PCDH15: variants seen among roughly 807,000 people sequenced by gnomAD.
PCDH15 encodes the protein protocadherin-15.
Under a neutral mutation model 178.5 loss-of-function variants are expected in PCDH15, and 129 were observed. That is an observed-to-expected ratio of 0.72 (90% CI 0.63 to 0.84). The LOEUF (loss-of-function observed/expected upper bound fraction) is 0.84, where lower values mean the gene tolerates loss of function less well. Ranked by LOEUF, PCDH15 falls within the 40% of genes least tolerant of loss-of-function variation. The probability of loss-of-function intolerance (pLI) is 0.00; values close to 1 mark genes in which losing one functional copy is unlikely to be tolerated. For synonymous variants in PCDH15, 800 were observed against 732.0 expected (o/e 1.09, Z -1.50); for missense variants, 2,230 against 2,099.9 (o/e 1.06, Z -1.21).
intron 2 of PCDH15, among the ~76,000 whole-genome samples, chr10:54,969,971 T>C (rs544351533): frequency 1.3e-5 from 2 of 152,332 alleles, no homozygotes; most frequent in African/African-American, 4.8e-5. Flanking sequence ...CTTCCTATGG[T>C]TTGAATACTT....
chr10:54,970,028 T>C (rs933911583), intron 2 of PCDH15, among the ~76,000 whole-genome samples: 1 of 152,168 alleles, frequency 6.6e-6, no homozygotes, highest in African/African-American at 2.4e-5. Context: ...AATGCAACAT[T>C]ATTAAGAAAT....
At chr10:54,057,532 A>T (rs918964317) in intron 18 of PCDH15, among the ~76,000 whole-genome samples, 3 of 152,126 alleles carry the variant, frequency 2.0e-5, no homozygotes, top group Non-Finnish European at 4.4e-5. Flanking sequence ...GATACAGGGC[A>T]CTAAGTCATG....
chr10:55,034,955 T>C (rs1034324755), intron 2 of PCDH15, among the ~76,000 whole-genome samples: 4 of 152,170 alleles, frequency 2.6e-5, no homozygotes, highest in Non-Finnish European at 5.9e-5. Flanking sequence ...AAGAAGAGGC[T>C]GATAATAATA....
At chr10:54,684,301 T>C (rs1181530238) in intron 1 of PCDH15, among the ~76,000 whole-genome samples, 3 of 151,762 alleles carry the variant, frequency 2.0e-5, no homozygotes, top group Admixed American at 6.6e-5. Flanking sequence ...ATTGTAGGTA[T>C]AGAATATTTG....
intron 2 of PCDH15, among the ~76,000 whole-genome samples, chr10:55,565,544 A>G (rs1842284688): frequency 6.6e-6 from 1 of 151,718 alleles, no homozygotes; most frequent in Admixed American, 6.6e-5. Flanking sequence ...TAGAAAAACA[A>G]TGAAACCAAA....
chr10:55,416,051 GCAAA>G (rs142167707), intron 2 of PCDH15, among the ~76,000 whole-genome samples: 4,197 of 150,246 alleles, frequency 0.028, 191 homozygotes, highest in African/African-American at 0.091. Context: ...AAACAAACAA[GCAAA>G]CAAACAAACA....
At chr10:54,404,574 C>A (rs1952375653) in intron 3 of PCDH15, among the ~76,000 whole-genome samples, 1 of 150,944 alleles carries the variant, frequency 6.6e-6, no homozygotes, top group Non-Finnish European at 1.5e-5. Flanking sequence ...ACCCATTTCT[C>A]TGGACACAGG....
chr10:54,386,287 A>T (rs1327835683), intron 3 of PCDH15, among the ~76,000 whole-genome samples: 2 of 152,012 alleles, frequency 1.3e-5, no homozygotes, highest in African/African-American at 4.8e-5. Context: ...AATCCCAAAA[A>T]ATAATCTTAT....
At chr10:54,258,568 T>C (rs2057083207) in intron 8 of PCDH15, among the ~76,000 whole-genome samples, 1 of 152,138 alleles carries the variant, frequency 6.6e-6, no homozygotes, top group Non-Finnish European at 1.5e-5. Context: ...ACAATAAAGT[T>C]AAGACCTGAG....
At chr10:55,582,613 T>TAC (rs1564465571) in intron 2 of PCDH15, among the ~76,000 whole-genome samples, 6 of 93,110 alleles carry the variant, frequency 6.4e-5, no homozygotes, top group African/African-American at 2.8e-4. Context: ...TATATATATA[T>TAC]ATATATATAT....
intron 1 of PCDH15, among the ~76,000 whole-genome samples, chr10:55,302,181 C>T (rs972845700): frequency 6.6e-6 from 1 of 151,914 alleles, no homozygotes; most frequent in Non-Finnish European, 1.5e-5. Flanking sequence ...CCAATGTAGA[C>T]AGAATTGGCA....
rs2132636501 is a variant in PCDH15, at chr10:53,831,467, G to A, written c.4050C>T (p.Arg1350=). ...DFQPYYGEGG[R]ILEIRTPEAV... Reference sequence around the variant, plus strand: ...CCTCTGGAGTCCGGATCTCCAGAATGCGTCCTCCTTCCCCATAATACGGCT... The same window carrying A: ...CCTCTGGAGTCCGGATCTCCAGAATACGTCCTCCTTCCCCATAATACGGCT... Residue 1350 remains arginine (R), a synonymous_variant, in exon 30 of 38, where the codon CGC becomes CGT. Coordinates refer to ENST00000644397, the MANE Select transcript of PCDH15 (RefSeq NM_001384140.1). The A allele has an allele frequency of 5.6e-6, 9 of 1,614,140 alleles. No homozygotes were observed. The highest frequency in any genetic ancestry group is 7.6e-6 in the Non-Finnish European group (9 of 1,180,012).
chr10:55,318,893 T>C (rs918475213), intron 1 of PCDH15, among the ~76,000 whole-genome samples: 1 of 152,226 alleles, frequency 6.6e-6, no homozygotes, highest in Non-Finnish European at 1.5e-5. Flanking sequence ...GCATTTTTTT[T>C]CTGGCAAATC....
intron 2 of PCDH15, among the ~76,000 whole-genome samples, chr10:55,430,755 T>C (rs1465924877): frequency 2.0e-5 from 3 of 152,212 alleles, no homozygotes; most frequent in Non-Finnish European, 4.4e-5. Context: ...AAAAAGTTAA[T>C]TAAAACTGCC....
At chr10:55,588,990 A>C (rs1431494264) in intron 2 of PCDH15, among the ~76,000 whole-genome samples, 1 of 150,008 alleles carries the variant, frequency 6.7e-6, no homozygotes, top group African/African-American at 2.4e-5. Context: ...CTGAGGCAGG[A>C]GAATTGCTTG....
chr10:53,899,546 A>G (rs2082186070), intron 26 of PCDH15, among the ~76,000 whole-genome samples: 1 of 152,170 alleles, frequency 6.6e-6, no homozygotes, highest in Non-Finnish European at 1.5e-5. Flanking sequence ...GCACATATTT[A>G]CATTTAACTT....
intron 13 of PCDH15, among the ~76,000 whole-genome samples, chr10:54,162,642 G>A (rs766111677): frequency 3.3e-5 from 5 of 152,098 alleles, no homozygotes; most frequent in Non-Finnish European, 5.9e-5. Flanking sequence ...GCACAGATTT[G>A]GCAGAAATCA....
chr10:54,948,567 T>A (rs774223977), intron 2 of PCDH15, among the ~76,000 whole-genome samples: 3 of 151,862 alleles, frequency 2.0e-5, no homozygotes, highest in South Asian at 2.1e-4. Context: ...TCAATGCAGA[T>A]GAGCATTATC....
chr10:54,488,963 A>G (rs1469921378), intron 3 of PCDH15, among the ~76,000 whole-genome samples: 1 of 152,032 alleles, frequency 6.6e-6, no homozygotes, highest in Non-Finnish European at 1.5e-5. Flanking sequence ...AAATTAGACT[A>G]TTTCTATTGA....
Sources: gnomAD v4.1 joint callset for allele counts (sites outside exome capture counted in the v4.1 genomes callset) on GRCh38, gnomAD v4.1.1 for gene constraint, MANE v1.5 for transcripts, NCBI Gene and HGNC (gene_info 2026-07-23, HGNC 2026-07-21) for gene names.